ASB3: variants seen among roughly 807,000 people sequenced by gnomAD.
ASB3 encodes the protein ankyrin repeat and SOCS box containing 3.
In ASB3, 41 loss-of-function variants were observed where a neutral mutation model predicts 54.5. That is an observed-to-expected ratio of 0.75 (90% confidence interval 0.59 to 0.98). ASB3 has a LOEUF of 0.98. Among genes scored for constraint, ASB3 ranks in the 50% least tolerant of loss-of-function variants. The pLI is 0.00. For missense variants in ASB3, 733 were observed against 620.0 expected (o/e 1.18, Z -1.94); for synonymous variants, 266 against 221.2 (o/e 1.20, Z -1.80).
At chr2:53,737,970 A>C (rs1000379105) in intron 3 of ASB3, among the ~76,000 whole-genome samples, 1 of 152,224 alleles carries the variant, frequency 6.6e-6, no homozygotes, top group Non-Finnish European at 1.5e-5. Context: ...GACAAGAAAT[A>C]GATAAATCCA....
At chr2:53,677,559 A>G (rs555487037) in intron 9 of ASB3, among the ~76,000 whole-genome samples, 1 of 152,328 alleles carries the variant, frequency 6.6e-6, no homozygotes, top group South Asian at 2.1e-4. Flanking sequence ...ACATTTGCTA[A>G]TAAGGAATGC....
intron 9 of ASB3, among the ~76,000 whole-genome samples, chr2:53,681,945 G>A (rs1208875471): frequency 6.6e-6 from 1 of 152,028 alleles, no homozygotes; most frequent in Non-Finnish European, 1.5e-5. Flanking sequence ...GGATCACAAA[G>A]TCAGGAGTTC....
chr2:53,707,671 G>T (rs1270502022), intron 7 of ASB3, among the ~76,000 whole-genome samples: 2 of 145,614 alleles, frequency 1.4e-5, no homozygotes, highest in Admixed American at 6.9e-5. Flanking sequence ...AGAAAGAAAT[G>T]CAGAGTATGC....
At chr2:53,715,375 T>C (rs1670329213) in intron 6 of ASB3, among the ~76,000 whole-genome samples, 1 of 152,196 alleles carries the variant, frequency 6.6e-6, no homozygotes, top group African/African-American at 2.4e-5. Context: ...TTTCATAGTA[T>C]TACATTTCTC....
intron 3 of ASB3, among the ~76,000 whole-genome samples, chr2:53,736,723 A>G (rs2103945253): frequency 6.8e-6 from 1 of 148,078 alleles, no homozygotes; most frequent in East Asian, 2.0e-4. Flanking sequence ...AAAATTGAGT[A>G]GGGCACAGTG....
intron 5 of ASB3, among the ~76,000 whole-genome samples, chr2:53,721,087 C>T (rs1670678621): frequency 6.6e-6 from 1 of 151,056 alleles, no homozygotes; most frequent in African/African-American, 2.4e-5. Context: ...CACTGCACTC[C>T]AGTCTGGGTA....
chr2:53,759,598 C>T (rs1470957628), intron 2 of ASB3, among the ~76,000 whole-genome samples: 3 of 152,132 alleles, frequency 2.0e-5, no homozygotes, highest in African/African-American at 7.2e-5. Context: ...AAGGCCACCA[C>T]TTTAGTCATG....
intron 9 of ASB3, among the ~76,000 whole-genome samples, chr2:53,679,575 C>A (rs1385221624): frequency 6.6e-6 from 1 of 152,130 alleles, no homozygotes; most frequent in African/African-American, 2.4e-5. Context: ...TCCCTTTTAT[C>A]TCTGAATCTT....
At chr2:53,684,237 A>T (rs1668522571) in intron 9 of ASB3, among the ~76,000 whole-genome samples, 1 of 152,240 alleles carries the variant, frequency 6.6e-6, no homozygotes, top group South Asian at 2.1e-4. Context: ...GACTTCTGCC[A>T]GTGGTCCACA....
intron 2 of ASB3, among the ~76,000 whole-genome samples, chr2:53,763,945 T>A (rs1048499275): frequency 2.0e-5 from 3 of 152,310 alleles, no homozygotes; most frequent in South Asian, 4.1e-4. Flanking sequence ...ACATGTGATT[T>A]TAAAAACAAT....
At chr2:53,684,239 T>C (rs1413126678) in intron 9 of ASB3, among the ~76,000 whole-genome samples, 3 of 152,224 alleles carry the variant, frequency 2.0e-5, no homozygotes, top group African/African-American at 7.2e-5. Flanking sequence ...CTTCTGCCAG[T>C]GGTCCACATT....
intron 5 of ASB3, among the ~76,000 whole-genome samples, chr2:53,726,257 ATTT>A (rs35225840): frequency 5.9e-5 from 8 of 135,466 alleles, no homozygotes; most frequent in Non-Finnish European, 9.5e-5. Flanking sequence ...TTTAATCTAA[ATTT>A]TTTTTTTTTT....
intron 7 of ASB3, among the ~76,000 whole-genome samples, chr2:53,713,845 A>G (rs1220446136): frequency 6.6e-6 from 1 of 152,076 alleles, no homozygotes; most frequent in Non-Finnish European, 1.5e-5. Context: ...CCTGGGATGC[A>G]GAAGTTGCAA....
chr2:53,773,673 C>T (rs1288575546), intron 1 of ASB3, among the ~76,000 whole-genome samples: 4 of 151,874 alleles, frequency 2.6e-5, no homozygotes, highest in Non-Finnish European at 5.9e-5. Flanking sequence ...TCGTGATCCA[C>T]TCACCTCGGC....
intron 9 of ASB3, among the ~76,000 whole-genome samples, chr2:53,679,098 GCC>G: frequency 6.6e-6 from 1 of 152,110 alleles, no homozygotes; most frequent in Non-Finnish European, 1.5e-5. Flanking sequence ...GATTCCATGG[GCC>G]CATCACTTCA....
intron 1 of ASB3, chr2:53,768,006 C>T: frequency 6.2e-7 from 1 of 1,613,624 alleles, no homozygotes; most frequent in Non-Finnish European, 8.5e-7. Flanking sequence ...CGGACCACCG[C>T]GGGGTCCCCG....
intron 3 of ASB3, among the ~76,000 whole-genome samples, chr2:53,731,326 T>G (rs1272553953): frequency 6.6e-6 from 1 of 152,032 alleles, no homozygotes; most frequent in Admixed American, 6.6e-5. Context: ...CGCTTAAACC[T>G]GGGAGGTGGA....
At chr2:53,767,976 GCGCTTCTGGCAGGGCAGCAC>G (rs752877272) in intron 1 of ASB3, 1 of 1,614,102 alleles carries the variant, frequency 6.2e-7, no homozygotes, top group Non-Finnish European at 8.5e-7. Context: ...ACTACAGCAG[GCGCTTCTGGCAGGGCAGCAC>G]GGACCACCGC....
At chr2:53,721,051 G>A (rs921799949) in intron 5 of ASB3, among the ~76,000 whole-genome samples, 1 of 151,556 alleles carries the variant, frequency 6.6e-6, no homozygotes, top group Non-Finnish European at 1.5e-5. Flanking sequence ...CCAGGAGGGG[G>A]AGGTTGCAGT....
Sources: allele counts gnomAD v4.1 joint callset (sites outside exome capture counted in the v4.1 genomes callset), GRCh38; gene constraint gnomAD v4.1.1; transcripts MANE v1.5; gene names NCBI Gene and HGNC (gene_info 2026-07-23, HGNC 2026-07-21).